Variants in IL17RA observed in about 807,000 individuals in gnomAD.
IL17RA encodes interleukin 17 receptor A.
A neutral mutation model predicts 50.4 loss-of-function variants in IL17RA; 34 were observed. The observed-to-expected ratio is 0.67, with a 90% CI of 0.51 to 0.90. IL17RA has a LOEUF of 0.90. Ranked by LOEUF, IL17RA falls within the 40% of genes least tolerant of loss-of-function variation. IL17RA has a pLI of 0.00. For synonymous variants in IL17RA, 585 were observed against 510.4 expected (o/e 1.15, Z -1.97); for missense variants, 1,276 against 1,169.8 (o/e 1.09, Z -1.32).
chr22:17,088,162 G>C (rs1312565536), intron 1 of IL17RA, among the ~76,000 whole-genome samples: 1 of 152,188 alleles, frequency 6.6e-6, no homozygotes. Context: ...GAGATTGAAA[G>C]CAGGCTGTGC....
At position 17,109,330 on chromosome 22, in the gene IL17RA, C is replaced by G; in HGVS notation, c.2111C>G (p.Pro704Arg). The change falls in exon 13 of 13, where the codon CCG (proline) becomes CGG (arginine). Residue 704 changes from proline to arginine, a missense_variant. By Grantham distance (103) the Pro-to-Arg change is moderately radical. Coordinates refer to ENST00000319363, the MANE Select transcript of IL17RA (RefSeq NM_014339.7). ...CTGGCGGGGGAGGGCGAGGCCTGCC[C>G]GCTGCTGGGCAGCCCGGGCGCTGGG... Reference protein sequence around the residue: ...LALAGEGEACPLLGSPGAGRN... With the variant: ...LALAGEGEACRLLGSPGAGRN... The G allele has an allele frequency of 6.4e-7, 1 of 1,556,396 alleles. No homozygotes were observed. Among genetic ancestry groups the G allele is most frequent in the Non-Finnish European group, 8.7e-7 (1 of 1,154,944 alleles).
Position 17,109,440 on chromosome 22 carries a change from C to G in IL17RA, c.2221C>G (p.Pro741Ala), listed in dbSNP as rs1245969526. The change falls in exon 13 of 13, where the codon CCA (proline) becomes GCA (alanine). Residue 741 changes from proline (P) to alanine (A), a missense_variant. By Grantham distance (27) the Pro-to-Ala change is conservative (BLOSUM62 -1). Transcript: ENST00000319363. ...STPMASPDLLPEDVREHLEGL... is the reference protein window; with the variant it reads ...STPMASPDLLAEDVREHLEGL... ...CCCCATGGCGTCTCCTGACCTCCTT[C>G]CAGAGGACGTGAGGGAGCACCTCGA... The G allele has an allele frequency of 3.1e-6, 5 of 1,613,408 alleles. No individual in the cohort carries two copies. The East Asian group carries it at 6.7e-5, about 22-fold the overall frequency.
chr22:17,101,881 AC>A, intron 5 of IL17RA, 114 bp from the exon 6 acceptor site: 4 of 1,307,006 alleles, frequency 3.1e-6, no homozygotes, highest in Non-Finnish European at 4.4e-6. Context: ...TGAAGGGGCC[AC>A]CTGCGGACAG....
chr22:17,095,136 C>T (rs2061364286), intron 1 of IL17RA, among the ~76,000 whole-genome samples: 1 of 152,026 alleles, frequency 6.6e-6, no homozygotes, highest in Admixed American at 6.5e-5. Context: ...AAAATATTAG[C>T]AAATGTAATC....
chr22:17,087,152 G>A (rs2061330998), intron 1 of IL17RA, among the ~76,000 whole-genome samples: 1 of 152,178 alleles, frequency 6.6e-6, no homozygotes, highest in Non-Finnish European at 1.5e-5. Context: ...CTTTTAAAAA[G>A]AAAGAAAACA....
chr22:17,110,039 C>T lies in IL17RA; in HGVS notation c.*219C>T. The T allele has an allele frequency of 3.4e-6, 2 of 587,798 alleles. No homozygotes were observed. Among genetic ancestry groups the T allele is most frequent in the East Asian group, 5.7e-5 (2 of 34,784 alleles). 36.4% of individuals were successfully genotyped at this position (587,798 alleles called of 1,614,324 possible). On this transcript the variant is annotated 3_prime_UTR_variant, in exon 13 of 13. Coordinates refer to ENST00000319363, the MANE Select transcript of IL17RA (RefSeq NM_014339.7). ...TCCCCAGGGGAATCCACACAGCCCGCTCCCAGGAGCTAATGGTAGAGCGTC... is the reference window on the plus strand; with the variant it reads ...TCCCCAGGGGAATCCACACAGCCCGTTCCCAGGAGCTAATGGTAGAGCGTC...
intron 1 of IL17RA, among the ~76,000 whole-genome samples, chr22:17,096,827 G>A (rs988342700): frequency 9.5e-5 from 14 of 147,116 alleles, no homozygotes; most frequent in Non-Finnish European, 1.6e-4. Flanking sequence ...CTGAGATCGC[G>A]CCACTGCACT....
chr22:17,092,985 C>T (rs773272935), intron 1 of IL17RA, among the ~76,000 whole-genome samples: 6 of 152,074 alleles, frequency 3.9e-5, no homozygotes, highest in Non-Finnish European at 7.3e-5. Context: ...CCATGGTGTC[C>T]TGCCCCTGTC....
intron 10 of IL17RA, 76 bp from the exon 11 acceptor site, chr22:17,105,777 G>A: frequency 1.4e-6 from 2 of 1,440,726 alleles, no homozygotes; most frequent in Non-Finnish European, 9.7e-7. Flanking sequence ...GCCTGGGGCT[G>A]GGGAGCAGGG....
rs572509452 is a variant in IL17RA, at chr22:17,098,525, A to G, written c.311-250A>G. Among the ~76,000 whole-genome samples, 3 of 152,312 alleles carry G rather than the reference A, an allele frequency of 2.0e-5. No individual in the cohort carries two copies. The South Asian group carries it at 6.2e-4, about 32-fold the overall frequency. On this transcript the variant is annotated intron_variant, in intron 3 of 12. Coordinates refer to ENST00000319363, the MANE Select transcript of IL17RA (RefSeq NM_014339.7). ...CCAGATTGTCAAAGCCCTCACCACA[A>G]GTTTGCAAAGCCTTTACTTCTAGCC...
rs1394093753 is a variant in IL17RA at position 17,097,904 on chromosome 22, T to A, written c.271T>A (p.Phe91Ile). 6.2e-7 allele frequency: 1 copy of A among 1,614,072 alleles called. No individual in the cohort carries two copies. Among genetic ancestry groups the A allele is most frequent in the Non-Finnish European group, 8.5e-7 (1 of 1,180,044 alleles). ...HFAHTQQGDL[F>I]PVAHIEWTLQ... ...TGCCCACACCCAACAAGGAGACCTGTTCCCCGTGGCTCACATCGAATGGAC... is the reference window on the plus strand; with the variant it reads ...TGCCCACACCCAACAAGGAGACCTGATCCCCGTGGCTCACATCGAATGGAC... The change falls in exon 3 of 13, where the codon TTC (phenylalanine) becomes ATC (isoleucine). Residue 91 changes from phenylalanine to isoleucine, a missense_variant. Phe to Ile is a conservative substitution (Grantham distance 21, BLOSUM62 0). Transcript: ENST00000319363.
chr22:17,087,844 A>T (rs2061333823), intron 1 of IL17RA, among the ~76,000 whole-genome samples: 1 of 152,238 alleles, frequency 6.6e-6, no homozygotes, highest in African/African-American at 2.4e-5. Context: ...GTTAACACGT[A>T]ATTTCATAGA....
In IL17RA at chr22:17,087,138, A is replaced by T. The variant is rs1331468260; in HGVS notation, c.138+1909A>T. On this transcript the variant is annotated intron_variant, in intron 1 of 12. Coordinates refer to ENST00000319363, the MANE Select transcript of IL17RA (RefSeq NM_014339.7). ...TAGACAGCTCTGGGCTCCATTGACT[A>T]GTTCTTTTAAAAAGAAAGAAAACAC... Among the ~76,000 whole-genome samples, 8 of 152,194 alleles carry T rather than the reference A, an allele frequency of 5.3e-5. No individual in the cohort carries two copies. In the East Asian group the frequency reaches 1.5e-3, roughly 29 times the overall value.
intron 11 of IL17RA, 51 bp downstream of exon 11, chr22:17,106,005 C>G (rs770628812): frequency 1.5e-6 from 2 of 1,369,954 alleles, no homozygotes; most frequent in Admixed American, 1.7e-5. Flanking sequence ...ATACCAGCAC[C>G]ACCACTCACT....
In IL17RA at chr22:17,108,715, A is replaced by G; in HGVS notation, c.1496A>G (p.Tyr499Cys). The G allele has an allele frequency of 6.2e-7, 1 of 1,610,912 alleles. No homozygotes were observed. Among genetic ancestry groups the G allele is most frequent in the Non-Finnish European group, 8.5e-7 (1 of 1,179,858 alleles). Residue 499 changes from tyrosine to cysteine, a missense_variant, in exon 13 of 13, where the codon TAC (tyrosine) becomes TGC (cysteine). Tyr to Cys is a radical substitution (Grantham distance 194). Transcript: ENST00000319363. Reference protein sequence around the residue: ...DFKRPACFGTYVVCYFSEVSC... With the variant: ...DFKRPACFGTCVVCYFSEVSC... The stretch of plus-strand genomic sequence containing the variant: ...AAGAGGCCAGCCTGCTTCGGCACCT[A>G]CGTAGTCTGCTACTTCAGCGAGGTC...
intron 1 of IL17RA, among the ~76,000 whole-genome samples, chr22:17,090,595 T>C (rs2061344721): frequency 6.6e-6 from 1 of 152,222 alleles, no homozygotes; most frequent in African/African-American, 2.4e-5. Flanking sequence ...TACCTCCATA[T>C]TTCTAAACAT....
Position 17,109,062 on chromosome 22 carries a change from A to G in IL17RA, c.1843A>G (p.Thr615Ala), listed in dbSNP as rs2061427568. The change falls in exon 13 of 13, where the codon ACC becomes GCC. Residue 615 changes from threonine to alanine, a missense_variant. Physicochemically the swap from Thr to Ala is moderately conservative, Grantham distance 58. Coordinates refer to ENST00000319363, the MANE Select transcript of IL17RA (RefSeq NM_014339.7). ...TGAGGAGCCACTGCTGCCTCCGGGA[A>G]CCGGCATCGTGAAGCGGGCGCCCCT... ...VFEEPLLPPG[T>A]GIVKRAPLVR... is the part of the protein sequence containing the mutation. 6.3e-7 allele frequency: 1 copy of G among 1,586,832 alleles called. No individual in the cohort carries two copies. Among genetic ancestry groups the G allele is most frequent in the Non-Finnish European group, 8.5e-7 (1 of 1,174,676 alleles).
intron 1 of IL17RA, among the ~76,000 whole-genome samples, chr22:17,086,405 A>G (rs2061328316): frequency 6.6e-6 from 1 of 150,900 alleles, no homozygotes. Flanking sequence ...ATCGTGAATG[A>G]TGTTGAGAAA....
chr22:17,100,617 CAG>C lies in IL17RA; in HGVS notation c.550+139_550+140del, dbSNP rs1348727540. 7.9e-6 allele frequency: 9 copies of C among 1,143,560 alleles called. No homozygotes were observed. In the Admixed American group the frequency reaches 1.5e-4, roughly 19 times the overall value. The allele number at this position is 1,143,560 out of a possible 1,614,324, so 70.8% of individuals were successfully genotyped here. A position where few individuals can be genotyped will look rare whatever the true frequency, so the allele number is the denominator to read the frequency against. On this transcript the variant is annotated intron_variant, in intron 5 of 12. Transcript: ENST00000319363. ...CAGCACCTGGGACCCACAGAACAAA[CAG>C]AGGCCAAGACTGGGAGTGCTTTGGT...
Sources: gnomAD v4.1 joint callset for allele counts (sites outside exome capture counted in the v4.1 genomes callset) on GRCh38, gnomAD v4.1.1 for gene constraint, MANE v1.5 for transcripts, NCBI Gene and HGNC (gene_info 2026-07-23, HGNC 2026-07-21) for gene names.